MARVELD3: variants seen among roughly 807,000 people sequenced by gnomAD.
MARVELD3 encodes the protein MARVEL domain-containing protein 3.
In MARVELD3, 28 loss-of-function variants were observed where a neutral mutation model predicts 33.5. The observed-to-expected ratio is 0.84, with a 90% CI of 0.62 to 1.15. The LOEUF is 1.15. MARVELD3 is among the 50% of genes most tolerant of loss of function. MARVELD3 has a pLI of 0.00. For synonymous variants in MARVELD3, 241 were observed against 230.4 expected (o/e 1.05, Z -0.42); for missense variants, 582 against 547.6 (o/e 1.06, Z -0.63).
chr16:71,640,830 C>A, downstream of MARVELD3: 1 of 1,614,248 alleles, frequency 6.2e-7, no homozygotes, highest in Non-Finnish European at 8.5e-7. Flanking sequence ...CCGCAAGGGT[C>A]TCACCTGGAT....
At chr16:71,633,686 T>C (rs1043457792) in intron 2 of MARVELD3, among the ~76,000 whole-genome samples, 1 of 148,726 alleles carries the variant, frequency 6.7e-6, no homozygotes, top group Admixed American at 6.7e-5. Context: ...TGAGCCACCA[T>C]ACCCAGTCTT....
chr16:71,627,292 C>G (rs1382223407), intron 1 of MARVELD3, among the ~76,000 whole-genome samples: 1 of 152,212 alleles, frequency 6.6e-6, no homozygotes, highest in East Asian at 1.9e-4. Context: ...CACCTGAGGC[C>G]AGGAGTTCGA....
At chr16:71,630,193 C>G (rs1392666820) in intron 2 of MARVELD3, among the ~76,000 whole-genome samples, 1 of 151,752 alleles carries the variant, frequency 6.6e-6, no homozygotes, top group East Asian at 1.9e-4. Flanking sequence ...TCGAGACCAG[C>G]CTGGCCAACG....
Position 71,629,508 on chromosome 16 carries a change from C to T in MARVELD3, c.595+14C>T. 1 of 1,556,224 alleles carries T rather than the reference C, an allele frequency of 6.4e-7. No individual in the cohort carries two copies. The highest frequency in any genetic ancestry group is 1.2e-5 in the South Asian group (1 of 80,616). On this transcript the variant is annotated intron_variant, in intron 2 of 2. Coordinates refer to ENST00000268485, the MANE Select transcript of MARVELD3 (RefSeq NM_052858.6). ...GCACTGGGAGAGGTGAGCCGTTTTG[C>T]AGGCTGTTTGATCATTTACTGTCAC...
chr16:71,640,764 G>A (rs777695867), downstream of MARVELD3: 12 of 1,614,218 alleles, frequency 7.4e-6, no homozygotes, highest in South Asian at 8.8e-5. Context: ...TTACCTCCAC[G>A]TGGCTCTGCA....
chr16:71,629,128 G>A (rs1418249485), intron 1 of MARVELD3: 1 of 453,110 alleles, frequency 2.2e-6, no homozygotes, highest in Non-Finnish European at 3.8e-6. Context: ...CCCAGGGGCA[G>A]ACAAACCATC....
intron 1 of MARVELD3, among the ~76,000 whole-genome samples, chr16:71,627,007 G>T (rs539328821): frequency 6.6e-6 from 1 of 152,244 alleles, no homozygotes; most frequent in East Asian, 1.9e-4. Context: ...AGACCAGGCG[G>T]GTGGGGTTCA....
intron 1 of MARVELD3, among the ~76,000 whole-genome samples, chr16:71,627,295 G>A (rs995211153): frequency 1.4e-4 from 22 of 152,238 alleles, no homozygotes; most frequent in South Asian, 2.1e-4. Flanking sequence ...CTGAGGCCAG[G>A]AGTTCGAGAC....
intron 1 of MARVELD3, chr16:71,629,146 C>A: frequency 2.0e-6 from 1 of 489,940 alleles, no homozygotes; most frequent in Non-Finnish European, 3.4e-6. Context: ...ATCAGCGGTA[C>A]CAATCACAGC....
At chr16:71,640,271 A>T, downstream of MARVELD3, 2 of 1,271,478 alleles carry the variant, frequency 1.6e-6, no homozygotes, top group South Asian at 2.9e-5. Context: ...TCTCAAAAAA[A>T]AAAAAAAAAG....
At chr16:71,629,803 G>GAGC in intron 2 of MARVELD3, 1 of 391,398 alleles carries the variant, frequency 2.6e-6, no homozygotes, top group Non-Finnish European at 4.5e-6. Context: ...AACTGGCTAT[G>GAGC]AGCTGCCAGC....
downstream of MARVELD3, chr16:71,641,129 T>C: frequency 7.2e-7 from 1 of 1,387,754 alleles, no homozygotes; most frequent in Non-Finnish European, 9.8e-7. Flanking sequence ...CACTTGACTT[T>C]ATAAATGCTC....
downstream of MARVELD3, among the ~76,000 whole-genome samples, chr16:71,637,631 T>C (rs1267265101): frequency 1.3e-5 from 2 of 152,186 alleles, no homozygotes; most frequent in Non-Finnish European, 2.9e-5. Flanking sequence ...CAGCAGGAGA[T>C]AGGATTAGCA....
In MARVELD3 at chr16:71,626,413, G is replaced by A; in HGVS notation, c.184G>A (p.Asp62Asn). The stretch of plus-strand genomic sequence containing the variant: ...GGACGGGGACCGGGACCCGGAGAGA[G>A]ACCAGGAGAGGGACGGGAACCGCGA... ...RRDGDRDPER[D>N]QERDGNRDRN... is the part of the protein sequence containing the mutation. The change falls in exon 1 of 3, where the codon GAC becomes AAC. Residue 62 changes from aspartate to asparagine, a missense_variant. Asp to Asn is a conservative substitution (Grantham distance 23). Coordinates refer to ENST00000268485, the MANE Select transcript of MARVELD3 (RefSeq NM_052858.6). The surrounding 1 kb of genome is among the most constrained non-coding windows in gnomAD (Gnocchi z 5.3). 2 of 1,546,642 alleles carry A rather than the reference G, an allele frequency of 1.3e-6. No homozygotes were observed. Among genetic ancestry groups the A allele is most frequent in the Non-Finnish European group, 1.7e-6 (2 of 1,145,078 alleles).
intron 1 of MARVELD3, among the ~76,000 whole-genome samples, chr16:71,628,071 C>T (rs769260083): frequency 3.3e-5 from 5 of 152,256 alleles, no homozygotes; most frequent in Non-Finnish European, 7.4e-5. Flanking sequence ...AGCTCCTATC[C>T]TGAGTTTATG....
At position 71,626,281 on chromosome 16, in the gene MARVELD3, G is replaced by C. The variant is rs527362917; in HGVS notation, c.52G>C (p.Asp18His). 5.6e-5 allele frequency: 86 copies of C among 1,541,184 alleles called. 1 individual carries two copies. The South Asian group carries it at 9.5e-4, about 17-fold the overall frequency. The change falls in exon 1 of 3, where the codon GAC becomes CAC. Residue 18 changes from aspartate to histidine, a missense_variant. By Grantham distance (81) the Asp-to-His change is moderately conservative. Transcript: ENST00000268485. The surrounding 1 kb of genome is among the most constrained non-coding windows in gnomAD (Gnocchi z 5.3). ...GCCCCGGGCCCGGCCGAGAGAGCGG[G>C]ACCCGGGACGGCGCCCCCACCCAGA... Reference protein sequence around the residue: ...REPRARPRERDPGRRPHPDQG... With the variant: ...REPRARPRERHPGRRPHPDQG...
At chr16:71,639,662 G>A (rs1596978442), downstream of MARVELD3, among the ~76,000 whole-genome samples, 3 of 150,514 alleles carry the variant, frequency 2.0e-5, no homozygotes, top group Middle Eastern at 0.01. Context: ...GGTCAGGCTG[G>A]TCTCCAACTC....
intron 2 of MARVELD3, among the ~76,000 whole-genome samples, chr16:71,630,113 G>A (rs2044518628): frequency 2.0e-5 from 3 of 151,312 alleles, no homozygotes; most frequent in Admixed American, 2.0e-4. Flanking sequence ...AAAGGCTGGC[G>A]TAGTGGCTTA....
At chr16:71,640,312 C>A, downstream of MARVELD3, 1 of 1,428,412 alleles carries the variant, frequency 7.0e-7, no homozygotes, top group Non-Finnish European at 9.6e-7. Flanking sequence ...TCCTTAAAAT[C>A]AGGTGGCCTG....
Sources: allele counts gnomAD v4.1 joint callset (sites outside exome capture counted in the v4.1 genomes callset), GRCh38; gene constraint gnomAD v4.1.1; non-coding constraint Gnocchi (gnomAD v3.1); transcripts MANE v1.5; gene names NCBI Gene and HGNC (gene_info 2026-07-23, HGNC 2026-07-21).